SMIM35: variants seen among roughly 807,000 people sequenced by gnomAD.
SMIM35 encodes TMPRSS4 antisense RNA 1 (non-protein coding).
At chr11:118,054,216 T>C (rs1281739231) in intron 1 of SMIM35, among the ~76,000 whole-genome samples, 2 of 152,104 alleles carry the variant, frequency 1.3e-5, no homozygotes, top group Admixed American at 6.5e-5. Context: ...TGCTTGTTTG[T>C]TTTCAAATTT....
At chr11:118,035,425 T>C (rs1328729948) in intron 1 of SMIM35, among the ~76,000 whole-genome samples, 1 of 152,180 alleles carries the variant, frequency 6.6e-6, no homozygotes, top group Non-Finnish European at 1.5e-5. Flanking sequence ...TCAAGGCACA[T>C]AGGAGCGCTG....
chr11:118,043,582 G>A (rs1786180), intron 1 of SMIM35, among the ~76,000 whole-genome samples: 1 of 151,478 alleles, frequency 6.6e-6, no homozygotes, highest in African/African-American at 2.4e-5. Context: ...AGGCTGAGGC[G>A]GGCCGAACAC....
At chr11:118,054,494 A>G (rs1350771639) in intron 1 of SMIM35, among the ~76,000 whole-genome samples, 1 of 152,152 alleles carries the variant, frequency 6.6e-6, no homozygotes. Context: ...GTTTCAGATG[A>G]CCAGTTATAA....
At chr11:118,077,406 A>G in intron 1 of SMIM35, 1 of 1,391,114 alleles carries the variant, frequency 7.2e-7, no homozygotes. Context: ...GAATTCTGTG[A>G]CACCTTCTAG....
intron 1 of SMIM35, among the ~76,000 whole-genome samples, chr11:118,052,466 A>C (rs746488545): frequency 6.6e-6 from 1 of 152,154 alleles, no homozygotes; most frequent in African/African-American, 2.4e-5. Flanking sequence ...CAAGCCGCTC[A>C]CTTGTACGGA....
rs2058109649 is a variant in SMIM35, at chr11:118,003,898, G to T, written c.*2512C>A. 6.6e-6 allele frequency: 1 copy of T among 152,264 alleles called. No individual in the cohort carries two copies. The highest frequency in any genetic ancestry group is 2.4e-5 in the African/African-American group (1 of 41,446). 9.4% of individuals were successfully genotyped at this position (152,264 alleles called of 1,614,324 possible). On this transcript the variant is annotated 3_prime_UTR_variant, in exon 5 of 5. Transcript: ENST00000689828. ...ATGAGGCAGGAGGCAGAGAAACAGG[G>T]TAGGAGGCTGTCTTAGGCTGGGCTA... is the stretch of plus-strand genomic sequence containing the variant.
intron 1 of SMIM35, among the ~76,000 whole-genome samples, chr11:118,058,550 C>A (rs1452776562): frequency 6.6e-6 from 1 of 152,146 alleles, no homozygotes; most frequent in East Asian, 1.9e-4. Context: ...GTGCCTGGGA[C>A]CAGGCTTGGA....
chr11:118,074,932 A>C (rs1944632204), intron 1 of SMIM35, among the ~76,000 whole-genome samples: 1 of 152,086 alleles, frequency 6.6e-6, no homozygotes, highest in Non-Finnish European at 1.5e-5. Flanking sequence ...ACCTCTCCAC[A>C]AACTCCCAGA....
At chr11:118,066,039 G>C (rs554865773) in intron 1 of SMIM35, among the ~76,000 whole-genome samples, 23 of 151,920 alleles carry the variant, frequency 1.5e-4, no homozygotes, top group African/African-American at 5.3e-4. Flanking sequence ...TGGGGAAGAG[G>C]GGGCTGCAGC....
At chr11:118,013,236 C>T (rs966475298) in intron 4 of SMIM35, among the ~76,000 whole-genome samples, 1 of 152,092 alleles carries the variant, frequency 6.6e-6, no homozygotes, top group South Asian at 2.1e-4. Flanking sequence ...CTGGGAGGGG[C>T]AAGAACTGCC....
At chr11:118,028,847 A>G (rs1367951450) in intron 1 of SMIM35, 1 of 451,500 alleles carries the variant, frequency 2.2e-6, no homozygotes, top group African/African-American at 2.0e-5. Flanking sequence ...GGAGAAGAAA[A>G]AGGAGGAGGA....
chr11:118,072,030 A>G (rs1422944938), intron 1 of SMIM35, among the ~76,000 whole-genome samples: 3 of 152,208 alleles, frequency 2.0e-5, no homozygotes, highest in African/African-American at 4.8e-5. Context: ...GAGCTCTTCA[A>G]GGCAGGAGAT....
chr11:118,085,612 A>G (rs1403259977), intron 1 of SMIM35, among the ~76,000 whole-genome samples: 1 of 152,238 alleles, frequency 6.6e-6, no homozygotes, highest in Admixed American at 6.5e-5. Flanking sequence ...AGACTGCTCC[A>G]TGGATGGCAG....
At chr11:118,039,881 C>T (rs561709822) in intron 1 of SMIM35, among the ~76,000 whole-genome samples, 1 of 151,774 alleles carries the variant, frequency 6.6e-6, no homozygotes, top group South Asian at 2.1e-4. Context: ...CCCGTCTCTA[C>T]TAAAAATACA....
rs141017630 is a variant in SMIM35, at chr11:118,076,896, C to T, written c.7+9855G>A. ...CCCAGTTGGGTGGAAGTCATTCAGG[C>T]GGGAAGGCTTTTGTTACGCCTTAGG... On this transcript the variant is annotated intron_variant, in intron 1 of 4. Coordinates refer to ENST00000689828, the MANE Select transcript of SMIM35 (RefSeq NM_001394165.1). 967 of 173,004 alleles carry T rather than the reference C, an allele frequency of 5.6e-3. 11 individuals carry two copies. Among genetic ancestry groups the T allele is most frequent in the South Asian group, 0.01 (56 of 5,554 alleles). The allele number at this position is 173,004 out of a possible 1,614,324, so 10.7% of individuals were successfully genotyped here.
intron 1 of SMIM35, among the ~76,000 whole-genome samples, chr11:118,038,599 A>G (rs958976668): frequency 3.3e-5 from 5 of 152,282 alleles, no homozygotes; most frequent in East Asian, 1.9e-4. Context: ...GCCTCAACAC[A>G]ACAGAATAAA....
intron 1 of SMIM35, among the ~76,000 whole-genome samples, chr11:118,073,522 T>A (rs573665951): frequency 6.6e-6 from 1 of 152,124 alleles, no homozygotes; most frequent in African/African-American, 2.4e-5. Context: ...TACATCCAGA[T>A]CAAGTCCCCG....
chr11:118,040,215 T>C (rs1255369211), intron 1 of SMIM35, among the ~76,000 whole-genome samples: 1 of 151,928 alleles, frequency 6.6e-6, no homozygotes, highest in Non-Finnish European at 1.5e-5. Flanking sequence ...GACTCTGTCT[T>C]AGAAAAAAAT....
intron 1 of SMIM35, among the ~76,000 whole-genome samples, chr11:118,067,017 C>G (rs1046631282): frequency 3.3e-5 from 5 of 152,104 alleles, no homozygotes; most frequent in Non-Finnish European, 1.5e-5. Context: ...TCCCTGATAT[C>G]TTTTCAGGAA....
Sources: gnomAD v4.1 joint callset for allele counts (sites outside exome capture counted in the v4.1 genomes callset) on GRCh38, gnomAD v4.1.1 for gene constraint, MANE v1.5 for transcripts, NCBI Gene and HGNC (gene_info 2026-07-23, HGNC 2026-07-21) for gene names.